Variants in NIBAN1 observed in about 807,000 individuals in gnomAD.
NIBAN1 encodes the protein protein Niban 1.
In NIBAN1, 81 loss-of-function variants were observed where a neutral mutation model predicts 75.1. The observed-to-expected ratio is 1.08, with a 90% CI of 0.90 to 1.30. The LOEUF (loss-of-function observed/expected upper bound fraction) is 1.30, where lower values mean the gene tolerates loss of function less well. Ranked by LOEUF, NIBAN1 falls within the 50% of genes most tolerant of loss-of-function variation. NIBAN1 has a pLI of 0.00. For synonymous variants in NIBAN1, 436 were observed against 424.8 expected (o/e 1.03, Z -0.32); for missense variants, 1,133 against 1,128.1 (o/e 1.00, Z -0.06).
intron 1 of NIBAN1, among the ~76,000 whole-genome samples, chr1:184,947,078 AG>A (rs764860384): frequency 3.4e-4 from 51 of 150,868 alleles, no homozygotes; most frequent in African/African-American, 9.9e-4. Flanking sequence ...CATCTCAAAA[AG>A]AAAAGAAAAG....
intron 1 of NIBAN1, among the ~76,000 whole-genome samples, chr1:184,944,582 G>A (rs1397427952): frequency 6.6e-6 from 1 of 152,230 alleles, no homozygotes; most frequent in Non-Finnish European, 1.5e-5. Flanking sequence ...CATGTCATGA[G>A]GACAAGAACA....
At chr1:184,900,676 G>A (rs1011248033) in intron 1 of NIBAN1, among the ~76,000 whole-genome samples, 1 of 152,112 alleles carries the variant, frequency 6.6e-6, no homozygotes, top group African/African-American at 2.4e-5. Context: ...GGAGGGAAGA[G>A]AGAAGGAGGA....
intron 1 of NIBAN1, among the ~76,000 whole-genome samples, chr1:184,971,266 G>C (rs1658929420): frequency 6.6e-6 from 1 of 151,922 alleles, no homozygotes; most frequent in African/African-American, 2.4e-5. Flanking sequence ...AACAGAGTGA[G>C]ACCCTATCTC....
chr1:184,866,745 A>T (rs1655968337), intron 5 of NIBAN1, among the ~76,000 whole-genome samples: 1 of 152,216 alleles, frequency 6.6e-6, no homozygotes, highest in Non-Finnish European at 1.5e-5. Context: ...GGCAAAATTT[A>T]GACCAATGGC....
At chr1:184,925,201 A>G (rs983385267) in intron 1 of NIBAN1, among the ~76,000 whole-genome samples, 2 of 151,918 alleles carry the variant, frequency 1.3e-5, no homozygotes, top group Non-Finnish European at 2.9e-5. Flanking sequence ...TTTGAAATCT[A>G]TTTTATCTGA....
rs1238255926 is a variant in NIBAN1 at position 184,795,064 on chromosome 1, G to A, written c.2700C>T (p.Asn900=). 1.2e-6 allele frequency: 2 copies of A among 1,614,008 alleles called. No homozygotes were observed. The highest frequency in any genetic ancestry group is 8.5e-7 in the Non-Finnish European group (1 of 1,180,040). The change falls in exon 14 of 14, where the codon AAC becomes AAT. Residue 900 remains asparagine, a synonymous_variant. Transcript: ENST00000367511. ...ECQWVVEDAP[N]PDVLLSHKDD... is the part of the protein sequence containing the mutation. Reference sequence around the variant, plus strand: ...CTTTGTGTGACAGCAGGACATCCGGGTTTGGAGCATCCTCCACCACCCACT... The same window carrying A: ...CTTTGTGTGACAGCAGGACATCCGGATTTGGAGCATCCTCCACCACCCACT...
chr1:184,868,133 C>T, intron 5 of NIBAN1: 1 of 801,828 alleles, frequency 1.2e-6, no homozygotes, highest in Non-Finnish European at 1.5e-6. Context: ...TCCTTCCTAA[C>T]TTCCAACTTC....
Position 184,945,325 on chromosome 1 carries a change from C to T in NIBAN1, c.55+28977G>A, listed in dbSNP as rs115329149. On this transcript the variant is annotated intron_variant, in intron 1 of 13. Transcript: ENST00000367511. ...CATGGCAGAAACCCTCTTAACCACC[C>T]TCCACTCATCCAAGGCTTTTCACTC... Among the ~76,000 whole-genome samples the T allele has an allele frequency of 8.4e-3, 1,177 of 140,882 alleles. 14 individuals carry two copies. Among genetic ancestry groups the T allele is most frequent in the African/African-American group, 0.03 (1,123 of 37,826 alleles). The allele number at this position is 140,882 out of a possible 152,430, so 92.4% of individuals were successfully genotyped here.
Position 184,803,657 on chromosome 1 carries a change from C to G in NIBAN1, c.1482G>C (p.Lys494Asn). Reference sequence around the variant, plus strand: ...TTTGAACTAGTGCCTCTTGAAATATCTTCTTTCGGATGGTGCTGCTGTCAT... The same window carrying G: ...TTTGAACTAGTGCCTCTTGAAATATGTTCTTTCGGATGGTGCTGCTGTCAT... ...YDYDSSTIRK[K>N]IFQEALVQIT... The change falls in exon 12 of 14, where the codon AAG becomes AAC. Residue 494 changes from lysine (K) to asparagine (N), a missense_variant. Physicochemically the swap from Lys to Asn is moderately conservative, Grantham distance 94. Coordinates refer to ENST00000367511, the MANE Select transcript of NIBAN1 (RefSeq NM_052966.4). The G allele has an allele frequency of 6.2e-7, 1 of 1,614,196 alleles. No individual in the cohort carries two copies. Among genetic ancestry groups the G allele is most frequent in the South Asian group, 1.1e-5 (1 of 91,088 alleles).
intron 1 of NIBAN1, among the ~76,000 whole-genome samples, chr1:184,918,476 C>T (rs767570936): frequency 2.0e-5 from 3 of 152,300 alleles, no homozygotes; most frequent in Non-Finnish European, 4.4e-5. Context: ...TGTCCAGCTT[C>T]TCCTCTATCC....
intron 1 of NIBAN1, among the ~76,000 whole-genome samples, chr1:184,922,580 CTTTTG>C (rs925381957): frequency 3.3e-5 from 5 of 151,910 alleles, no homozygotes; most frequent in Admixed American, 6.6e-5. Context: ...TCTTTTGTCC[CTTTTG>C]TTTTGTTTTT....
At chr1:184,860,428 T>C (rs1208221934) in intron 5 of NIBAN1, among the ~76,000 whole-genome samples, 2 of 152,148 alleles carry the variant, frequency 1.3e-5, no homozygotes, top group African/African-American at 4.8e-5. Context: ...CTTTTATTTA[T>C]CCTCAGACAT....
intron 11 of NIBAN1, 43 bp downstream of exon 11, chr1:184,805,902 AC>A: frequency 6.8e-7 from 1 of 1,477,330 alleles, no homozygotes. Context: ...AACAGGGGTC[AC>A]GTTCTCTTTT....
intron 1 of NIBAN1, among the ~76,000 whole-genome samples, chr1:184,913,477 T>C (rs1324859971): frequency 6.6e-6 from 1 of 152,112 alleles, no homozygotes; most frequent in Non-Finnish European, 1.5e-5. Context: ...GAAACTATTA[T>C]GGGTTAACAG....
chr1:184,917,703 A>ACC (rs373710637), intron 1 of NIBAN1, among the ~76,000 whole-genome samples: 1 of 150,384 alleles, frequency 6.6e-6, no homozygotes, highest in African/African-American at 2.4e-5. Flanking sequence ...CAAAAGGAAG[A>ACC]CCCCCCCAAT....
chr1:184,962,854 T>C (rs1034529546), intron 1 of NIBAN1, among the ~76,000 whole-genome samples: 2 of 152,264 alleles, frequency 1.3e-5, no homozygotes, highest in Non-Finnish European at 1.5e-5. Flanking sequence ...TATTAAACAC[T>C]GGTAAATAAA....
At chr1:184,832,819 C>T (rs1008771007) in intron 5 of NIBAN1, among the ~76,000 whole-genome samples, 2 of 152,162 alleles carry the variant, frequency 1.3e-5, no homozygotes, top group African/African-American at 2.4e-5. Flanking sequence ...CTGGGCTGAA[C>T]GGCCTTCTCA....
intron 1 of NIBAN1, among the ~76,000 whole-genome samples, chr1:184,905,223 G>A (rs957821207): frequency 1.3e-5 from 2 of 152,030 alleles, no homozygotes; most frequent in Non-Finnish European, 2.9e-5. Flanking sequence ...CCCACTCAAA[G>A]GTAGCATGAG....
intron 9 of NIBAN1, among the ~76,000 whole-genome samples, chr1:184,815,297 C>G (rs536087908): frequency 1.3e-5 from 2 of 152,154 alleles, no homozygotes; most frequent in Non-Finnish European, 2.9e-5. Context: ...AATCTAGAAC[C>G]TGAAGATTAG....
Sources: gnomAD v4.1 joint callset for allele counts (sites outside exome capture counted in the v4.1 genomes callset) on GRCh38, gnomAD v4.1.1 for gene constraint, MANE v1.5 for transcripts, NCBI Gene and HGNC (gene_info 2026-07-23, HGNC 2026-07-21) for gene names.